ZNF385D: variants seen among roughly 807,000 people sequenced by gnomAD.
ZNF385D encodes zinc finger protein 659.
A neutral mutation model predicts 35.8 loss-of-function variants in ZNF385D; 15 were observed. That is an observed-to-expected ratio of 0.42 (90% CI 0.28 to 0.64). The LOEUF (loss-of-function observed/expected upper bound fraction) is 0.64, where lower values mean the gene tolerates loss of function less well. Among genes scored for constraint, ZNF385D ranks in the 30% least tolerant of loss-of-function variants. ZNF385D has a pLI of 0.23. For missense variants in ZNF385D, 474 were observed against 494.6 expected, an observed-to-expected ratio of 0.96 and a Z score of 0.39; for synonymous variants, 212 against 186.8, an observed-to-expected ratio of 1.13 and a Z score of -1.10.
intron 3 of ZNF385D, among the ~76,000 whole-genome samples, chr3:22,068,705 T>C (rs951017422): frequency 6.6e-5 from 10 of 152,224 alleles, no homozygotes; most frequent in African/African-American, 2.2e-4. Context: ...AATAAATTTC[T>C]TTTTCTACAT....
At chr3:21,899,148 T>C (rs190114783) in intron 3 of ZNF385D, among the ~76,000 whole-genome samples, 31 of 152,158 alleles carry the variant, frequency 2.0e-4, no homozygotes, top group Non-Finnish European at 3.1e-4. Flanking sequence ...GGTGTCCTAC[T>C]AGCATATAGC....
intron 3 of ZNF385D, among the ~76,000 whole-genome samples, chr3:22,008,471 A>G (rs1391295728): frequency 1.3e-5 from 2 of 149,802 alleles, no homozygotes; most frequent in African/African-American, 5.0e-5. Context: ...CTCCTGCCTC[A>G]GCCTCCCGAG....
At chr3:21,814,713 G>C (rs1437460569) in intron 3 of ZNF385D, among the ~76,000 whole-genome samples, 8 of 152,162 alleles carry the variant, frequency 5.3e-5, no homozygotes, top group Non-Finnish European at 1.0e-4. Context: ...AAGAGACTTA[G>C]ACTCCCACAA....
rs370469654 is a variant in ZNF385D, at chr3:22,171,876, C to CAAAAA, written c.107-2846_107-2842dup. On this transcript the variant is annotated intron_variant, in intron 2 of 5. Transcript: ENST00000494108. ...TGGGCAACAGAGCAAGACTCGGTCT[C>CAAAAA]AAAAAAAAAAAAAAAAAAAAAAAAA... is the stretch of plus-strand genomic sequence containing the variant. 5.7e-4 allele frequency among the ~76,000 whole-genome samples: 57 copies of CAAAAA among 100,770 alleles called. 1 individual carries two copies. The highest frequency in any genetic ancestry group is 2.1e-3 in the African/African-American group (54 of 26,272). 66.1% of individuals were successfully genotyped at this position (100,770 alleles called of 152,430 possible). A position where few individuals can be genotyped will look rare whatever the true frequency, so the allele number is the denominator to read the frequency against.
intron 2 of ZNF385D, among the ~76,000 whole-genome samples, chr3:22,352,994 C>T (rs1481022710): frequency 1.3e-5 from 2 of 152,092 alleles, no homozygotes; most frequent in South Asian, 2.1e-4. Flanking sequence ...TCTTATGTCA[C>T]GATGTCTTTG....
intron 3 of ZNF385D, among the ~76,000 whole-genome samples, chr3:21,844,289 A>G (rs1695862393): frequency 6.6e-6 from 1 of 151,978 alleles, no homozygotes; most frequent in African/African-American, 2.4e-5. Context: ...ATACAATATC[A>G]TAAGAGTGTT....
chr3:21,508,010 TG>T (rs1377770204), intron 4 of ZNF385D, among the ~76,000 whole-genome samples: 4 of 152,146 alleles, frequency 2.6e-5, no homozygotes, highest in African/African-American at 9.7e-5. Context: ...CTTTTTTGTT[TG>T]TTTTTTTGTT....
At chr3:22,272,478 A>G (rs139699515) in intron 2 of ZNF385D, among the ~76,000 whole-genome samples, 128 of 152,144 alleles carry the variant, frequency 8.4e-4, no homozygotes, top group African/African-American at 3.0e-3. Flanking sequence ...TCGTTTAATT[A>G]CCTTTGCTGA....
intron 3 of ZNF385D, among the ~76,000 whole-genome samples, chr3:22,006,940 GA>G (rs35840229): frequency 3.3e-5 from 5 of 150,334 alleles, no homozygotes; most frequent in Admixed American, 6.6e-5. Context: ...AGTTTGTGAG[GA>G]AAAAAAAAGT....
chr3:21,710,529 A>G (rs562353404), intron 1 of ZNF385D, among the ~76,000 whole-genome samples: 24 of 152,296 alleles, frequency 1.6e-4, no homozygotes, highest in Admixed American at 5.2e-4. Flanking sequence ...GCCACAATGC[A>G]TATTGGTGAG....
intron 3 of ZNF385D, among the ~76,000 whole-genome samples, chr3:22,114,832 G>C (rs768139596): frequency 6.6e-6 from 1 of 152,028 alleles, no homozygotes; most frequent in African/African-American, 2.4e-5. Flanking sequence ...ACTAGATCAT[G>C]AGGACTTTTG....
chr3:21,769,694 T>A (rs1425933246), intron 3 of ZNF385D, among the ~76,000 whole-genome samples: 2 of 124,524 alleles, frequency 1.6e-5, no homozygotes, highest in African/African-American at 6.6e-5. Context: ...GCCATCCCCA[T>A]CAAGCTCCCA....
chr3:21,469,480 A>G (rs1439273226), intron 4 of ZNF385D, among the ~76,000 whole-genome samples: 1 of 152,166 alleles, frequency 6.6e-6, no homozygotes, highest in Non-Finnish European at 1.5e-5. Context: ...AGCTTATTCA[A>G]ATGGAATATG....
At chr3:22,040,549 T>C (rs1698602021) in intron 3 of ZNF385D, among the ~76,000 whole-genome samples, 1 of 152,172 alleles carries the variant, frequency 6.6e-6, no homozygotes, top group Non-Finnish European at 1.5e-5. Context: ...TACACATTGA[T>C]AAAAAGAAAT....
chr3:21,644,404 T>C (rs2335810), intron 2 of ZNF385D, among the ~76,000 whole-genome samples: 12,121 of 152,112 alleles, frequency 0.08, 562 homozygotes, highest in East Asian at 0.16. Context: ...CATCACAGAA[T>C]GCAGGTTCAC....
chr3:21,503,841 A>T (rs1201210782), intron 4 of ZNF385D, among the ~76,000 whole-genome samples: 1 of 152,200 alleles, frequency 6.6e-6, no homozygotes, highest in Admixed American at 6.6e-5. Flanking sequence ...ACAGTCAATT[A>T]TGAATCAAGA....
chr3:21,426,324 G>A (rs1327913835), intron 5 of ZNF385D, among the ~76,000 whole-genome samples: 3 of 152,056 alleles, frequency 2.0e-5, no homozygotes, highest in East Asian at 3.9e-4. Flanking sequence ...ATGAGGGGTG[G>A]ACTCGTAACC....
intron 1 of ZNF385D, among the ~76,000 whole-genome samples, chr3:21,734,187 G>C (rs190665948): frequency 6.6e-6 from 1 of 151,938 alleles, no homozygotes; most frequent in Non-Finnish European, 1.5e-5. Flanking sequence ...TGTGATATTA[G>C]CGAAGAGTTT....
At chr3:21,433,452 C>A (rs74584681) in intron 5 of ZNF385D, among the ~76,000 whole-genome samples, 3,536 of 152,254 alleles carry the variant, frequency 0.023, 123 homozygotes, top group Admixed American at 0.089. Flanking sequence ...TGCTTCAGAT[C>A]AGAATTGGCC....
Sources: gnomAD v4.1 joint callset for allele counts (sites outside exome capture counted in the v4.1 genomes callset) on GRCh38, gnomAD v4.1.1 for gene constraint, MANE v1.5 for transcripts, NCBI Gene and HGNC (gene_info 2026-07-23, HGNC 2026-07-21) for gene names.